The following MRPS6 variants were observed in gnomAD, a reference collection of about 807,000 sequenced individuals.
The protein encoded by MRPS6 is small ribosomal subunit protein bS6m.
MRPS6 carries 6 observed loss-of-function variants against 13.1 expected under a neutral mutation model. The ratio of observed to expected loss-of-function variants is 0.46; its 90% CI spans 0.25 to 0.91. The LOEUF (loss-of-function observed/expected upper bound fraction) is 0.91. Ranked by LOEUF, MRPS6 falls within the 40% of genes least tolerant of loss-of-function variation. The pLI, the probability that MRPS6 is intolerant of heterozygous loss-of-function variation, is 0.18. For missense variants in MRPS6, 164 were observed against 155.6 expected (o/e 1.05, Z -0.29); for synonymous variants, 61 against 56.5 (o/e 1.08, Z -0.36).
At chr21:34,076,720 A>G (rs1040879680) in intron 1 of MRPS6, among the ~76,000 whole-genome samples, 3 of 152,240 alleles carry the variant, frequency 2.0e-5, no homozygotes, top group Admixed American at 1.3e-4. Context: ...ATATGACGGT[A>G]AAGTAATGGA....
intron 2 of MRPS6, among the ~76,000 whole-genome samples, chr21:34,139,286 T>A (rs943893943): frequency 6.6e-6 from 1 of 151,658 alleles, no homozygotes; most frequent in Non-Finnish European, 1.5e-5. Context: ...TGTATACATA[T>A]GTAACTAACC....
chr21:34,101,419 A>G lies in MRPS6; in HGVS notation c.46-23922A>G, dbSNP rs181235236. Reference sequence around the variant, plus strand: ...TAGAAAAATGCTTTGAGGCTTCAGTATTTGTAAGATTTTGCATTAGCCAGA... The same window carrying G: ...TAGAAAAATGCTTTGAGGCTTCAGTGTTTGTAAGATTTTGCATTAGCCAGA... On this transcript the variant is annotated intron_variant, in intron 1 of 2. Coordinates refer to ENST00000399312, the MANE Select transcript of MRPS6 (RefSeq NM_032476.4). 238 of 1,000,178 alleles carry G rather than the reference A, an allele frequency of 2.4e-4. No homozygotes were observed. The African/African-American group carries it at 3.8e-3, about 16-fold the overall frequency. The allele number at this position is 1,000,178 out of a possible 1,614,324, so 62.0% of individuals were successfully genotyped here.
chr21:34,137,595 C>T (rs1481772680), intron 2 of MRPS6, among the ~76,000 whole-genome samples: 1 of 152,126 alleles, frequency 6.6e-6, no homozygotes, highest in Non-Finnish European at 1.5e-5. Context: ...TTTTTCTTGC[C>T]TTACTGCACT....
intron 1 of MRPS6, among the ~76,000 whole-genome samples, chr21:34,081,768 C>T (rs1384652907): frequency 6.6e-6 from 1 of 152,150 alleles, no homozygotes; most frequent in East Asian, 1.9e-4. Flanking sequence ...TGGTCTTAGG[C>T]AAGTCGCTGT....
intron 1 of MRPS6, chr21:34,102,005 A>G (rs1176634918): frequency 2.0e-6 from 2 of 1,000,192 alleles, no homozygotes; most frequent in Non-Finnish European, 2.4e-6. Context: ...ATTAGTTGGC[A>G]TATAGAGGAA....
intron 1 of MRPS6, chr21:34,099,919 C>A: frequency 2.9e-6 from 1 of 350,596 alleles, no homozygotes; most frequent in Non-Finnish European, 4.2e-6. Context: ...TTGCTGATTG[C>A]AACTTAATTC....
intron 2 of MRPS6, chr21:34,135,536 C>G: frequency 2.0e-6 from 1 of 499,480 alleles, no homozygotes; most frequent in Non-Finnish European, 4.0e-6. Context: ...GCCAGGCACT[C>G]AGCAATGGTC....
At chr21:34,091,068 A>G (rs1026906335) in intron 1 of MRPS6, among the ~76,000 whole-genome samples, 9 of 152,226 alleles carry the variant, frequency 5.9e-5, no homozygotes, top group African/African-American at 9.6e-5. Context: ...TAACCCTTCA[A>G]TTATTAGCTG....
At chr21:34,139,608 C>T (rs952843737) in intron 2 of MRPS6, among the ~76,000 whole-genome samples, 10 of 152,026 alleles carry the variant, frequency 6.6e-5, no homozygotes, top group African/African-American at 1.5e-4. Context: ...GACAGAGTCT[C>T]GCTCTGTCAC....
intron 1 of MRPS6, chr21:34,105,008 A>G (rs1026411361): frequency 1.7e-5 from 17 of 999,950 alleles, no homozygotes; most frequent in Non-Finnish European, 2.0e-5. Flanking sequence ...TCACTGTGAG[A>G]TCTCTAACTT....
intron 1 of MRPS6, chr21:34,098,098 G>C: frequency 1.0e-6 from 1 of 999,094 alleles, no homozygotes; most frequent in Non-Finnish European, 1.2e-6. Context: ...AATGATTATG[G>C]GGGAGAAAAT....
intron 1 of MRPS6, among the ~76,000 whole-genome samples, chr21:34,087,382 A>AT (rs1183145177): frequency 6.6e-6 from 1 of 152,112 alleles, no homozygotes; most frequent in Non-Finnish European, 1.5e-5. Context: ...TTAATATTTG[A>AT]TTTTTTTATT....
At chr21:34,077,243 A>G (rs1278211107) in intron 1 of MRPS6, among the ~76,000 whole-genome samples, 2 of 152,382 alleles carry the variant, frequency 1.3e-5, no homozygotes, top group African/African-American at 4.8e-5. Flanking sequence ...AAAGCCGCAT[A>G]CTGTATAATG....
At chr21:34,095,832 G>C in intron 1 of MRPS6, 1 of 1,614,044 alleles carries the variant, frequency 6.2e-7, no homozygotes, top group Non-Finnish European at 8.5e-7. Flanking sequence ...CGGGTTTGAG[G>C]AAGTTAAGAG....
At chr21:34,113,986 A>C (rs191281020) in intron 1 of MRPS6, among the ~76,000 whole-genome samples, 1 of 152,304 alleles carries the variant, frequency 6.6e-6, no homozygotes, top group East Asian at 1.9e-4. Context: ...TCAATAAGGC[A>C]GGTGGCTCAG....
chr21:34,089,797 C>G (rs531592400), intron 1 of MRPS6, among the ~76,000 whole-genome samples: 1 of 152,172 alleles, frequency 6.6e-6, no homozygotes, highest in Non-Finnish European at 1.5e-5. Context: ...TGAGTCCAAT[C>G]AGGGTTTTGT....
rs1284063294 is a variant in MRPS6, at chr21:34,111,544, A to G, written c.46-13797A>G. Among the ~76,000 whole-genome samples the G allele has an allele frequency of 2.6e-5, 4 of 152,230 alleles. No homozygotes were observed. The East Asian group carries it at 5.8e-4, about 22-fold the overall frequency. On this transcript the variant is annotated intron_variant, in intron 1 of 2. Coordinates refer to ENST00000399312, the MANE Select transcript of MRPS6 (RefSeq NM_032476.4). ...ATCATGTTCTTCACTCTCTGGGTGTATAGCACAGGGCATAGATTTCAGACC... is the reference window on the plus strand; with the variant it reads ...ATCATGTTCTTCACTCTCTGGGTGTGTAGCACAGGGCATAGATTTCAGACC...
At chr21:34,089,029 A>G (rs1466936627) in intron 1 of MRPS6, among the ~76,000 whole-genome samples, 2 of 152,002 alleles carry the variant, frequency 1.3e-5, no homozygotes, top group Admixed American at 6.6e-5. Flanking sequence ...CTGTTATTTC[A>G]TATTTCCTTT....
In MRPS6 at chr21:34,142,722, T is replaced by G. The variant is rs1461931966; in HGVS notation, c.*122T>G. On this transcript the variant is annotated 3_prime_UTR_variant, in exon 3 of 3. Coordinates refer to ENST00000399312, the MANE Select transcript of MRPS6 (RefSeq NM_032476.4). ...ATGTGTTGCAGGTGCTGTTTGATTT[T>G]TCTAAGGTATTTTTAGCCCTTGATC... 1 of 1,212,286 alleles carries G rather than the reference T, an allele frequency of 8.2e-7. No homozygotes were observed. Among genetic ancestry groups the G allele is most frequent in the African/African-American group, 1.6e-5 (1 of 64,456 alleles). 75.1% of individuals were successfully genotyped at this position (1,212,286 alleles called of 1,614,324 possible).
Sources: gnomAD v4.1 joint callset for allele counts (sites outside exome capture counted in the v4.1 genomes callset) on GRCh38, gnomAD v4.1.1 for gene constraint, MANE v1.5 for transcripts, NCBI Gene and HGNC (gene_info 2026-07-23, HGNC 2026-07-21) for gene names.